The following NAALADL2 variants were observed in gnomAD, a reference collection of about 807,000 sequenced individuals.
NAALADL2 encodes the protein inactive N-acetylated-alpha-linked acidic dipeptidase-like protein 2.
Under a neutral mutation model 87.2 loss-of-function variants are expected in NAALADL2, and 76 were observed. The ratio of observed to expected loss-of-function variants is 0.87; its 90% CI spans 0.72 to 1.05. The LOEUF is 1.05. NAALADL2 is among the 50% of genes least tolerant of loss of function. The pLI, the probability that NAALADL2 is intolerant of heterozygous loss-of-function variation, is 0.00. For synonymous variants in NAALADL2, 354 were observed against 331.0 expected (o/e 1.07, Z -0.75); for missense variants, 1,089 against 945.8 (o/e 1.15, Z -1.99).
chr3:174,494,729 G>A (rs1002389978), intron 1 of NAALADL2, among the ~76,000 whole-genome samples: 2 of 152,080 alleles, frequency 1.3e-5, no homozygotes, highest in African/African-American at 2.4e-5. Flanking sequence ...TGGTATTTAT[G>A]AGATATATTT....
chr3:175,514,718 G>C lies in NAALADL2; in HGVS notation c.1653+42960G>C, dbSNP rs138005730. The stretch of plus-strand genomic sequence containing the variant: ...GAAATATGGGCCACACAAGCACACA[G>C]AGTCTGTGGCAATTATTAAGAGGCA... On this transcript the variant is annotated intron_variant, in intron 9 of 13. Transcript: ENST00000454872. 4.2e-3 allele frequency among the ~76,000 whole-genome samples: 634 copies of C among 152,268 alleles called. 5 individuals are homozygous for C. The highest frequency in any genetic ancestry group is 6.7e-3 in the Non-Finnish European group (454 of 68,024).
At chr3:174,764,619 C>A (rs1201205997) in intron 3 of NAALADL2, among the ~76,000 whole-genome samples, 2 of 151,814 alleles carry the variant, frequency 1.3e-5, no homozygotes, top group Non-Finnish European at 2.9e-5. Flanking sequence ...AAAATAAAAA[C>A]AAACAAACAA....
At chr3:174,867,051 C>T (rs951428642) in intron 1 of NAALADL2, among the ~76,000 whole-genome samples, 3 of 151,512 alleles carry the variant, frequency 2.0e-5, no homozygotes, top group African/African-American at 7.3e-5. Context: ...ACATAATCTG[C>T]AATTAAGTTG....
chr3:175,712,072 A>G (rs1366647683), intron 11 of NAALADL2, among the ~76,000 whole-genome samples: 1 of 151,958 alleles, frequency 6.6e-6, no homozygotes, highest in Non-Finnish European at 1.5e-5. Flanking sequence ...AAGATATTGT[A>G]TTGAGATATT....
rs73881325 is a variant in NAALADL2, at chr3:175,639,740, G to A, written c.1896+12354G>A. ...AAATCACTTACTGGATATGTTTAAA[G>A]TCCTCTCAGTTTAAAATCCTGAATA... On this transcript the variant is annotated intron_variant, in intron 11 of 13. Coordinates refer to ENST00000454872, the MANE Select transcript of NAALADL2 (RefSeq NM_207015.3). 3.4e-3 allele frequency among the ~76,000 whole-genome samples: 521 copies of A among 152,216 alleles called. 4 individuals are homozygous for A. Among genetic ancestry groups the A allele is most frequent in the African/African-American group, 0.012 (483 of 41,530 alleles).
chr3:174,843,257 C>T (rs1489039043), intron 3 of NAALADL2, among the ~76,000 whole-genome samples: 2 of 152,078 alleles, frequency 1.3e-5, no homozygotes, highest in Non-Finnish European at 2.9e-5. Flanking sequence ...ATCTTCCCCT[C>T]CCTTCCCCAG....
intron 2 of NAALADL2, among the ~76,000 whole-genome samples, chr3:174,682,784 G>T (rs1025086494): frequency 5.3e-5 from 8 of 152,160 alleles, no homozygotes; most frequent in Non-Finnish European, 1.0e-4. Context: ...TTCCCAAAAA[G>T]ATGGGTACAA....
chr3:174,672,799 T>C (rs1269409096), intron 2 of NAALADL2, among the ~76,000 whole-genome samples: 1 of 152,012 alleles, frequency 6.6e-6, no homozygotes, highest in Admixed American at 6.6e-5. Context: ...CTAGTATGTT[T>C]GAGAAGTGGT....
intron 11 of NAALADL2, among the ~76,000 whole-genome samples, chr3:175,705,405 A>G (rs1375629659): frequency 1.3e-5 from 2 of 152,092 alleles, no homozygotes; most frequent in African/African-American, 2.4e-5. Context: ...ATTAGATTTC[A>G]GTATGGTATG....
chr3:175,775,715 G>A (rs1387020571), intron 13 of NAALADL2, among the ~76,000 whole-genome samples: 2 of 152,042 alleles, frequency 1.3e-5, no homozygotes, highest in African/African-American at 4.8e-5. Flanking sequence ...CACCCCATCA[G>A]AAAGAATCAC....
At chr3:174,775,000 C>A (rs1715033285) in intron 3 of NAALADL2, among the ~76,000 whole-genome samples, 1 of 152,056 alleles carries the variant, frequency 6.6e-6, no homozygotes, top group Non-Finnish European at 1.5e-5. Context: ...TGACAACTGT[C>A]AGTAAAAGAT....
At chr3:175,777,315 G>A (rs1297476308) in intron 13 of NAALADL2, among the ~76,000 whole-genome samples, 2 of 151,734 alleles carry the variant, frequency 1.3e-5, no homozygotes, top group Admixed American at 6.6e-5. Flanking sequence ...CTACTCAAGG[G>A]CTATGTGATG....
At chr3:175,474,133 T>A (rs527543261) in intron 9 of NAALADL2, among the ~76,000 whole-genome samples, 2 of 152,312 alleles carry the variant, frequency 1.3e-5, no homozygotes, top group African/African-American at 2.4e-5. Context: ...GTGGTTTTTT[T>A]ATTTGCATTT....
chr3:175,479,359 A>C (rs1192520087), intron 9 of NAALADL2, among the ~76,000 whole-genome samples: 5 of 151,880 alleles, frequency 3.3e-5, no homozygotes, highest in Non-Finnish European at 7.4e-5. Context: ...TATGAAAGGT[A>C]TACAAAGTAG....
intron 3 of NAALADL2, among the ~76,000 whole-genome samples, chr3:174,800,440 C>T (rs530426728): frequency 4.6e-5 from 7 of 152,266 alleles, no homozygotes; most frequent in African/African-American, 1.2e-4. Context: ...ACAGAAGTCA[C>T]GAATTGGGGT....
At chr3:175,550,014 C>A (rs1365775681) in intron 9 of NAALADL2, among the ~76,000 whole-genome samples, 1 of 151,896 alleles carries the variant, frequency 6.6e-6, no homozygotes, top group South Asian at 2.1e-4. Context: ...AAAGAGTGAA[C>A]CCTGTGGTTA....
chr3:175,326,197 G>A (rs944920900), intron 5 of NAALADL2, among the ~76,000 whole-genome samples: 4 of 152,182 alleles, frequency 2.6e-5, no homozygotes, highest in African/African-American at 7.2e-5. Flanking sequence ...AGTCAAATTC[G>A]TTGCCACTTT....
chr3:174,681,617 A>G (rs1727546787), intron 2 of NAALADL2, among the ~76,000 whole-genome samples: 1 of 152,170 alleles, frequency 6.6e-6, no homozygotes, highest in Non-Finnish European at 1.5e-5. Context: ...CTTAAAGGGA[A>G]GAACCCAGTT....
chr3:175,312,995 G>A (rs1581373562), intron 4 of NAALADL2, among the ~76,000 whole-genome samples: 3 of 152,112 alleles, frequency 2.0e-5, no homozygotes, highest in Non-Finnish European at 4.4e-5. Flanking sequence ...CTTAAACTAC[G>A]AAAAATTATT....
Sources: allele counts gnomAD v4.1 joint callset (sites outside exome capture counted in the v4.1 genomes callset), GRCh38; gene constraint gnomAD v4.1.1; transcripts MANE v1.5; gene names NCBI Gene and HGNC (gene_info 2026-07-23, HGNC 2026-07-21).